The following PGF variants were observed in gnomAD, a reference collection of about 807,000 sequenced individuals.
PGF encodes the protein placenta growth factor.
A neutral mutation model predicts 25.3 loss-of-function variants in PGF; 11 were observed. The observed-to-expected ratio is 0.43, with a 90% CI of 0.27 to 0.72. The LOEUF (loss-of-function observed/expected upper bound fraction) is 0.72, where lower values mean the gene tolerates loss of function less well. Among genes scored for constraint, PGF ranks in the 30% least tolerant of loss-of-function variants. The pLI is 0.18. For missense variants in PGF, 230 were observed against 234.9 expected, an observed-to-expected ratio of 0.98 and a Z score of 0.14; for synonymous variants, 105 against 97.9, an observed-to-expected ratio of 1.07 and a Z score of -0.43.
rs953972346 is a variant in PGF at position 74,953,455 on chromosome 14, G to A, written c.118+449C>T. ...CTGTCTGTTTATAATCAATGGAAAC[G>A]CATGGTCAGATCCCGGCAGTTCCAC... On this transcript the variant is annotated intron_variant, in intron 2 of 6. Coordinates refer to ENST00000555567, the MANE Select transcript of PGF (RefSeq NM_002632.6). This position sits in a 1 kb window ranked among gnomAD's most constrained non-coding sequence, Gnocchi z 5.4. Among the ~76,000 whole-genome samples, 4 of 152,170 alleles carry A rather than the reference G, an allele frequency of 2.6e-5. No homozygotes were observed. Among genetic ancestry groups the A allele is most frequent in the African/African-American group, 9.7e-5 (4 of 41,414 alleles).
intron 1 of PGF, chr14:74,954,329 C>T (rs1394947243): frequency 1.2e-5 from 3 of 253,006 alleles, no homozygotes; most frequent in Non-Finnish European, 2.4e-5. Context: ...AGGTGATCAG[C>T]TGGTGGGAGC....
rs138911687 is a variant in PGF, at chr14:74,944,389, A to G, written c.486-1656T>C. Among the ~76,000 whole-genome samples the G allele has an allele frequency of 1.3e-3, 200 of 152,180 alleles. 6 individuals carry two copies. The East Asian group carries it at 0.037, about 28-fold the overall frequency. ...AGTGCTGGGATTACAGGTGTGAGCC[A>G]CCGCGCCTGGCCTGCTTGTTCATTT... On this transcript the variant is annotated intron_variant, in intron 6 of 6. Coordinates refer to ENST00000555567, the MANE Select transcript of PGF (RefSeq NM_002632.6).
chr14:74,952,540 T>C (rs545547684), intron 2 of PGF, among the ~76,000 whole-genome samples: 3 of 152,340 alleles, frequency 2.0e-5, no homozygotes, highest in African/African-American at 4.8e-5. Context: ...ATGCCTAACA[T>C]TGTTACCGTG....
intron 4 of PGF, chr14:74,947,255 G>A: frequency 4.0e-6 from 1 of 249,762 alleles, no homozygotes; most frequent in Non-Finnish European, 7.6e-6. Flanking sequence ...GGATGGAGAA[G>A]GTGACTCTGG....
intron 6 of PGF, chr14:74,945,309 C>CGGCTG (rs1476976419): frequency 6.6e-6 from 1 of 152,244 alleles, no homozygotes; most frequent in East Asian, 1.9e-4. Context: ...TTTCTGCCTC[C>CGGCTG]GGCTGCCGGC....
At chr14:74,952,593 T>G (rs1888896854) in intron 2 of PGF, among the ~76,000 whole-genome samples, 3 of 152,234 alleles carry the variant, frequency 2.0e-5, no homozygotes, top group South Asian at 2.1e-4. Context: ...GGCCATGCTG[T>G]CTCTGGCTGT....
rs150754141 is a variant in PGF at position 74,950,698 on chromosome 14, A to G, written c.119-1145T>C. ...CCTTTCTGGATAGATCAGTTTCCTCAGGTGGGAAAAAAGAAGGTTGGGAAT... is the reference window on the plus strand; with the variant it reads ...CCTTTCTGGATAGATCAGTTTCCTCGGGTGGGAAAAAAGAAGGTTGGGAAT... On this transcript the variant is annotated intron_variant, in intron 2 of 6. Transcript: ENST00000555567. This position sits in a 1 kb window ranked among gnomAD's most constrained non-coding sequence, Gnocchi z 4.1. Among the ~76,000 whole-genome samples the G allele has an allele frequency of 1.6e-3, 249 of 152,272 alleles. No homozygotes were observed. The highest frequency in any genetic ancestry group is 3.4e-3 in the Middle Eastern group (1 of 294).
chr14:74,954,112 G>A, intron 1 of PGF, 166 bp from the exon 2 acceptor site: 1 of 650,686 alleles, frequency 1.5e-6, no homozygotes, highest in South Asian at 1.8e-5. Flanking sequence ...AAACTCACTG[G>A]ACCCTGGGTA....
chr14:74,954,379 C>A (rs994069241), intron 1 of PGF: 1 of 213,034 alleles, frequency 4.7e-6, no homozygotes. Flanking sequence ...CTGGTGCAGC[C>A]GGTAACGTTA....
At chr14:74,947,652 C>G (rs1306322818) in intron 4 of PGF, 1 of 152,278 alleles carries the variant, frequency 6.6e-6, no homozygotes, top group African/African-American at 2.4e-5. Flanking sequence ...TGCATCCCAT[C>G]AGGACAATGC....
chr14:74,947,022 A>G (rs1888755182), intron 4 of PGF: 1 of 603,250 alleles, frequency 1.7e-6, no homozygotes, highest in African/African-American at 1.8e-5. Flanking sequence ...CTCAGTCTTC[A>G]CTGGGAACAG....
At chr14:74,946,304 T>A in intron 5 of PGF, 29 bp from the exon 6 acceptor site, 1 of 1,614,112 alleles carries the variant, frequency 6.2e-7, no homozygotes, top group Non-Finnish European at 8.5e-7. Context: ...CAGGACAAGG[T>A]GGCTGGGGAA....
chr14:74,947,624 A>G (rs1234791672), intron 4 of PGF: 1 of 152,284 alleles, frequency 6.6e-6, no homozygotes, highest in Non-Finnish European at 1.5e-5. Context: ...TTATGAGAGC[A>G]GGAACCTTGC....
intron 2 of PGF, among the ~76,000 whole-genome samples, chr14:74,949,793 A>G (rs534308990): frequency 6.6e-6 from 1 of 152,266 alleles, no homozygotes; most frequent in South Asian, 2.1e-4. Flanking sequence ...CTCTGTCCTC[A>G]ACTCAGGCAC....
chr14:74,944,003 G>C (rs1267049028), intron 6 of PGF, among the ~76,000 whole-genome samples: 1 of 151,040 alleles, frequency 6.6e-6, no homozygotes, highest in Non-Finnish European at 1.5e-5. Context: ...TCTTGGGGGT[G>C]GGGAGTGAAA....
chr14:74,955,317 G>T lies in PGF; in HGVS notation c.-75C>A. On this transcript the variant is annotated 5_prime_UTR_variant, in exon 1 of 7. In the 5' UTR this introduces an upstream ATG that the reference lacks. Transcript: ENST00000555567. This position sits in a 1 kb window ranked among gnomAD's most constrained non-coding sequence, Gnocchi z 4.1. ...CATCCCCCGGGGAGCCCCTGGCACAGGAGGAGAAGAGCTGAGTGGGGGGCT... is the reference window on the plus strand; with the variant it reads ...CATCCCCCGGGGAGCCCCTGGCACATGAGGAGAAGAGCTGAGTGGGGGGCT... The T allele has an allele frequency of 1.1e-6, 1 of 934,594 alleles. No homozygotes were observed. The highest frequency in any genetic ancestry group is 1.5e-6 in the Non-Finnish European group (1 of 671,690). 57.9% of individuals were successfully genotyped at this position (934,594 alleles called of 1,614,324 possible). A position where few individuals can be genotyped will look rare whatever the true frequency, so the allele number is the denominator to read the frequency against.
intron 4 of PGF, 156 bp downstream of exon 4, chr14:74,948,351 C>G (rs916921302): frequency 1.2e-5 from 6 of 515,320 alleles, no homozygotes; most frequent in Admixed American, 7.2e-5. Context: ...GGTAGCCACC[C>G]CTGGTCCTGC....
At chr14:74,947,107 C>T (rs1348521750) in intron 4 of PGF, 6 of 484,032 alleles carry the variant, frequency 1.2e-5, no homozygotes, top group African/African-American at 9.6e-5. Flanking sequence ...TGGTTCCTCC[C>T]TTGGGAGCCA....
In PGF at chr14:74,949,462, C is replaced by T. The variant is rs769452980; in HGVS notation, c.210G>A (p.Glu70=). 10 of 1,612,632 alleles carry T rather than the reference C, an allele frequency of 6.2e-6. No homozygotes were observed. The highest frequency in any genetic ancestry group is 2.2e-5 in the South Asian group (2 of 90,982). ...DVVSEYPSEV[E]HMFSPSCVSL... Reference sequence around the variant, plus strand: ...AGACACAGGATGGGCTGAACATGTGCTCCACCTCGCTGGGGTACTCGGACA... The same window carrying T: ...AGACACAGGATGGGCTGAACATGTGTTCCACCTCGCTGGGGTACTCGGACA... Residue 70 remains glutamate, a synonymous_variant, in exon 3 of 7, where the codon GAG becomes GAA. Transcript: ENST00000555567.
Sources: gnomAD v4.1 joint callset for allele counts (sites outside exome capture counted in the v4.1 genomes callset) on GRCh38, gnomAD v4.1.1 for gene constraint, Gnocchi (gnomAD v3.1) non-coding constraint, MANE v1.5 for transcripts, NCBI Gene and HGNC (gene_info 2026-07-23, HGNC 2026-07-21) for gene names.